CDH2: variants seen among roughly 807,000 people sequenced by gnomAD.
CDH2 encodes the protein cadherin 2.
In CDH2, 17 loss-of-function variants were observed where a neutral mutation model predicts 92.0. The ratio of observed to expected loss-of-function variants is 0.18; its 90% CI spans 0.13 to 0.28. The LOEUF is 0.28. Ranked by LOEUF, CDH2 falls within the 10% of genes least tolerant of loss-of-function variation. The probability of loss-of-function intolerance (pLI) is 1.00; values close to 1 mark genes in which losing one functional copy is unlikely to be tolerated. For missense variants in CDH2, 862 were observed against 1,133.1 expected, an observed-to-expected ratio of 0.76 and a Z score of 3.44; for synonymous variants, 419 against 415.9, an observed-to-expected ratio of 1.01 and a Z score of -0.09.
chr18:27,965,759 T>C (rs369508982), intron 14 of CDH2, among the ~76,000 whole-genome samples: 34 of 151,612 alleles, frequency 2.2e-4, no homozygotes, highest in African/African-American at 8.0e-4. Flanking sequence ...CCAAGGCGGG[T>C]AGATCATAAG....
rs746246698 is a variant in CDH2, at chr18:27,983,041, T to C, written c.2252A>G (p.Lys751Arg). ...TAAAAGTTGTTTGGCCTGGCGTTCT[T>C]TATCCCGGCGTTTCATCCATACCAC... is the stretch of plus-strand genomic sequence containing the variant. ...MFVVWMKRRD[K>R]ERQAKQLLID... The change falls in exon 14 of 16, where the codon AAA becomes AGA. Residue 751 changes from lysine (K) to arginine (R), a missense_variant. By Grantham distance (26) the Lys-to-Arg change is conservative. Around this residue, in one of 5 missense-constraint regions of CDH2, gnomAD observed 564 missense variants for 722.2 expected, o/e 0.78. Transcript: ENST00000269141. 9.9e-6 allele frequency: 16 copies of C among 1,612,832 alleles called. No homozygotes were observed. The highest frequency in any genetic ancestry group is 1.4e-5 in the Non-Finnish European group (16 of 1,179,138).
chr18:28,129,800 A>C (rs973716867), intron 2 of CDH2, among the ~76,000 whole-genome samples: 2 of 152,138 alleles, frequency 1.3e-5, no homozygotes, highest in Admixed American at 6.5e-5. Flanking sequence ...TTATCTCCAA[A>C]AATCAATTAA....
intron 2 of CDH2, among the ~76,000 whole-genome samples, chr18:28,038,002 C>T (rs771708615): frequency 3.3e-5 from 5 of 151,960 alleles, no homozygotes; most frequent in Non-Finnish European, 5.9e-5. Context: ...AGTAAGGAGT[C>T]AAAAAAGGAT....
At chr18:28,057,325 G>A (rs919070657) in intron 2 of CDH2, among the ~76,000 whole-genome samples, 1 of 152,214 alleles carries the variant, frequency 6.6e-6, no homozygotes, top group Admixed American at 6.5e-5. Context: ...AGACTTTCAT[G>A]CTAAAATTAC....
intron 2 of CDH2, among the ~76,000 whole-genome samples, chr18:28,130,236 T>A (rs776229501): frequency 6.6e-6 from 1 of 152,166 alleles, no homozygotes; most frequent in Non-Finnish European, 1.5e-5. Context: ...TGGCTGGTCA[T>A]CAGAGGTCCA....
intron 2 of CDH2, among the ~76,000 whole-genome samples, chr18:28,110,794 C>T (rs2015398354): frequency 6.6e-6 from 1 of 151,990 alleles, no homozygotes; most frequent in Admixed American, 6.6e-5. Context: ...CAATGGAGGC[C>T]AAAGAGAGGT....
intron 15 of CDH2, among the ~76,000 whole-genome samples, chr18:27,959,728 C>G (rs578239713): frequency 6.6e-6 from 1 of 152,134 alleles, no homozygotes; most frequent in Admixed American, 6.5e-5. Context: ...TTAAAACTAT[C>G]GTTTTGATTG....
intron 2 of CDH2, among the ~76,000 whole-genome samples, chr18:28,142,130 T>C (rs1598503761): frequency 6.6e-6 from 1 of 152,044 alleles, no homozygotes. Context: ...AGAGAAAGCC[T>C]AAAAGGATAA....
chr18:27,959,291 G>A (rs1378034819), intron 15 of CDH2, among the ~76,000 whole-genome samples: 1 of 152,154 alleles, frequency 6.6e-6, no homozygotes, highest in African/African-American at 2.4e-5. Flanking sequence ...TCATTTTTGA[G>A]ATTCAAGGCA....
At chr18:27,970,064 G>A (rs193135103) in intron 14 of CDH2, among the ~76,000 whole-genome samples, 54 of 152,028 alleles carry the variant, frequency 3.6e-4, no homozygotes, top group African/African-American at 7.5e-4. Context: ...CAAAAAATAC[G>A]GAAAGTGAAG....
intron 2 of CDH2, among the ~76,000 whole-genome samples, chr18:28,031,466 TG>T (rs2013693805): frequency 6.6e-6 from 1 of 152,034 alleles, no homozygotes; most frequent in Non-Finnish European, 1.5e-5. Flanking sequence ...AAAAACAAAC[TG>T]GATCATGTTC....
At chr18:27,940,778 TAGC>T (rs1487389050) in intron 6 of CDH2, among the ~76,000 whole-genome samples, 9 of 152,148 alleles carry the variant, frequency 5.9e-5, no homozygotes, top group African/African-American at 2.2e-4. Flanking sequence ...AAGGACAAAA[TAGC>T]AGTTTGTCAC....
At chr18:28,170,595 T>C (rs1245967829) in intron 1 of CDH2, among the ~76,000 whole-genome samples, 3 of 152,136 alleles carry the variant, frequency 2.0e-5, no homozygotes, top group Non-Finnish European at 4.4e-5. Context: ...TCCACCTGCC[T>C]TGGCCTCCCA....
At chr18:28,023,029 C>T (rs997231863) in intron 2 of CDH2, among the ~76,000 whole-genome samples, 2 of 151,886 alleles carry the variant, frequency 1.3e-5, no homozygotes, top group African/African-American at 4.8e-5. Flanking sequence ...TTAATTAACT[C>T]TTGAAAAAAG....
chr18:28,068,484 T>C (rs1485919490), intron 2 of CDH2, among the ~76,000 whole-genome samples: 3 of 152,200 alleles, frequency 2.0e-5, no homozygotes. Flanking sequence ...TGAGATGGAA[T>C]ACATGAATAA....
chr18:28,104,186 CTT>C (rs1284951647), intron 2 of CDH2, among the ~76,000 whole-genome samples: 3 of 152,132 alleles, frequency 2.0e-5, no homozygotes, highest in Admixed American at 1.3e-4. Flanking sequence ...TATAAACACT[CTT>C]ATCAAAAATT....
At position 27,959,016 on chromosome 18, in the gene CDH2, T is replaced by C. The variant is rs375078396; in HGVS notation, c.2514+4341A>G. 6.6e-5 allele frequency among the ~76,000 whole-genome samples: 10 copies of C among 152,314 alleles called. No homozygotes were observed. In the East Asian group the frequency reaches 1.9e-3, roughly 29 times the overall value. On this transcript the variant is annotated intron_variant, in intron 15 of 15. Transcript: ENST00000269141. ...GTAAATCACTCAGGCTTGGCAGTTT[T>C]TCATAGCAGCGTGAAAACAGAAAAA...
chr18:27,994,919 G>A (rs778795485), intron 7 of CDH2, among the ~76,000 whole-genome samples: 13 of 152,098 alleles, frequency 8.5e-5, no homozygotes, highest in Non-Finnish European at 1.5e-4. Flanking sequence ...AAGAGAAAAT[G>A]TTACACTATT....
chr18:27,957,738 T>G (rs1345813272), intron 15 of CDH2, among the ~76,000 whole-genome samples: 1 of 152,298 alleles, frequency 6.6e-6, no homozygotes, highest in African/African-American at 2.4e-5. Flanking sequence ...CATATTTATA[T>G]CCATTCCTTT....
Sources: gnomAD v4.1 joint callset for allele counts (sites outside exome capture counted in the v4.1 genomes callset) on GRCh38, gnomAD v4.1.1 for gene constraint, gnomAD v4.1.1 regional missense constraint, MANE v1.5 for transcripts, NCBI Gene and HGNC (gene_info 2026-07-23, HGNC 2026-07-21) for gene names.